TCF7L2: variants seen among roughly 807,000 people sequenced by gnomAD.
TCF7L2 encodes transcription factor 7-like 2.
Under a neutral mutation model 77.9 loss-of-function variants are expected in TCF7L2, and 23 were observed. The ratio of observed to expected loss-of-function variants is 0.30; its 90% CI spans 0.21 to 0.42. The LOEUF is 0.42. Among genes scored for constraint, TCF7L2 ranks in the 10% least tolerant of loss-of-function variants. The probability of loss-of-function intolerance (pLI) is 1.00; values close to 1 mark genes in which losing one functional copy is unlikely to be tolerated. For synonymous variants in TCF7L2, 413 were observed against 340.2 expected (o/e 1.21, Z -2.36); for missense variants, 654 against 793.1 (o/e 0.82, Z 2.11).
intron 5 of TCF7L2, among the ~76,000 whole-genome samples, chr10:113,056,089 G>A (rs139098459): frequency 7.9e-5 from 12 of 152,276 alleles, no homozygotes; most frequent in East Asian, 7.7e-4. Context: ...ACATACAGCC[G>A]AGATCCTGGG....
At chr10:113,092,923 C>T (rs907034659) in intron 5 of TCF7L2, among the ~76,000 whole-genome samples, 1 of 152,100 alleles carries the variant, frequency 6.6e-6, no homozygotes, top group Non-Finnish European at 1.5e-5. Flanking sequence ...ATCCGGATCC[C>T]ACAGCATGGG....
chr10:113,025,880 A>ATTT, intron 4 of TCF7L2, among the ~76,000 whole-genome samples: 1 of 143,544 alleles, frequency 7.0e-6, no homozygotes, highest in East Asian at 2.1e-4. Flanking sequence ...TTTTAAGTTA[A>ATTT]TTTTTTTTTT....
At position 112,950,435 on chromosome 10, in the gene TCF7L2, T is replaced by C; in HGVS notation, c.-322T>C. 2 of 238,884 alleles carry C rather than the reference T, an allele frequency of 8.4e-6. No individual in the cohort carries two copies. The highest frequency in any genetic ancestry group is 6.3e-5 in the South Asian group (1 of 15,904). 14.8% of individuals were successfully genotyped at this position (238,884 alleles called of 1,614,324 possible). Reference sequence around the variant, plus strand: ...CCCTTTGCTCTTTATATCTGACTTCTTGTTGTTGTTGGTGTTTTTTTTTTT... The same window carrying C: ...CCCTTTGCTCTTTATATCTGACTTCCTGTTGTTGTTGGTGTTTTTTTTTTT... On this transcript the variant is annotated 5_prime_UTR_variant, in exon 1 of 14. Coordinates refer to ENST00000627217, the MANE Select transcript of TCF7L2 (RefSeq NM_001146274.2).
intron 4 of TCF7L2, among the ~76,000 whole-genome samples, chr10:112,994,969 G>A (rs377135731): frequency 6.6e-6 from 1 of 152,060 alleles, no homozygotes; most frequent in African/African-American, 2.4e-5. Context: ...GCCTGGTGGT[G>A]GGCGCCTGTA....
intron 4 of TCF7L2, among the ~76,000 whole-genome samples, chr10:112,989,163 G>A (rs143576483): frequency 6.6e-6 from 1 of 152,190 alleles, no homozygotes; most frequent in African/African-American, 2.4e-5. Flanking sequence ...TCAGATGTAG[G>A]TTCCTGTGTC....
rs933187239 is a variant in TCF7L2, at chr10:113,031,549, A to G, written c.451-8476A>G. Among the ~76,000 whole-genome samples, 7 of 147,012 alleles carry G rather than the reference A, an allele frequency of 4.8e-5. No homozygotes were observed. In the Admixed American group the frequency reaches 4.9e-4, roughly 10 times the overall value. ...GTTGCCCAAGCTGGAGTGCAGTTGCACAATCTTGGCTCACTATAACCTCTG... is the reference window on the plus strand; with the variant it reads ...GTTGCCCAAGCTGGAGTGCAGTTGCGCAATCTTGGCTCACTATAACCTCTG... On this transcript the variant is annotated intron_variant, in intron 4 of 13. Transcript: ENST00000627217.
intron 5 of TCF7L2, among the ~76,000 whole-genome samples, chr10:113,076,135 C>CA (rs34089010): frequency 0.35 from 22,746 of 65,698 alleles, 3,961 homozygotes; most frequent in Non-Finnish European, 0.41. Flanking sequence ...GACTCCATCT[C>CA]AAAAAAAAAA....
At chr10:113,013,895 T>G (rs950977836) in intron 4 of TCF7L2, among the ~76,000 whole-genome samples, 12 of 151,314 alleles carry the variant, frequency 7.9e-5, no homozygotes, top group African/African-American at 1.7e-4. Context: ...TAAGCCACTG[T>G]TTTTTTTTGT....
At chr10:112,960,206 T>A (rs1379752050) in intron 3 of TCF7L2, among the ~76,000 whole-genome samples, 1 of 152,200 alleles carries the variant, frequency 6.6e-6, no homozygotes, top group Non-Finnish European at 1.5e-5. Context: ...TGTTTCCCAT[T>A]CCATGTCTGG....
intron 4 of TCF7L2, among the ~76,000 whole-genome samples, chr10:113,028,318 G>T (rs1481473477): frequency 2.6e-5 from 4 of 152,108 alleles, no homozygotes; most frequent in Admixed American, 6.5e-5. Context: ...TTGCATGCAG[G>T]GGGGTCGTGG....
chr10:113,146,794 T>C (rs1564961510), intron 8 of TCF7L2, among the ~76,000 whole-genome samples: 1 of 152,192 alleles, frequency 6.6e-6, no homozygotes, highest in Admixed American at 6.5e-5. Context: ...GTGTATCTTA[T>C]ACGCACAGCA....
chr10:113,041,520 T>C (rs1284777328), intron 5 of TCF7L2, among the ~76,000 whole-genome samples: 1 of 152,182 alleles, frequency 6.6e-6, no homozygotes, highest in African/African-American at 2.4e-5. Flanking sequence ...CTGCTCCCTT[T>C]CCAGAGCCTT....
intron 5 of TCF7L2, among the ~76,000 whole-genome samples, chr10:113,058,722 G>C (rs118069047): frequency 6.6e-6 from 1 of 151,976 alleles, no homozygotes; most frequent in Non-Finnish European, 1.5e-5. Flanking sequence ...GTGTGTGTGC[G>C]CTGTACGTTA....
At chr10:112,959,306 C>G (rs2034471994) in intron 3 of TCF7L2, among the ~76,000 whole-genome samples, 1 of 152,094 alleles carries the variant, frequency 6.6e-6, no homozygotes, top group Non-Finnish European at 1.5e-5. Context: ...TGGTCTCAGG[C>G]AATGTTGCAA....
intron 5 of TCF7L2, among the ~76,000 whole-genome samples, chr10:113,109,600 A>G (rs994703749): frequency 6.6e-6 from 1 of 152,154 alleles, no homozygotes; most frequent in Non-Finnish European, 1.5e-5. Flanking sequence ...CACGTTGGCT[A>G]GGCTGGTCTC....
chr10:113,118,567 A>G lies in TCF7L2; in HGVS notation c.553-22617A>G, dbSNP rs143657028. ...TGTGTGTGTGTGTTTGTTCACCTAC[A>G]CATTTGCCTGGAGTATAGTGAGAAC... On this transcript the variant is annotated intron_variant, in intron 5 of 13. Transcript: ENST00000627217. 3.8e-3 allele frequency among the ~76,000 whole-genome samples: 467 copies of G among 121,708 alleles called. 3 individuals carry two copies. Among genetic ancestry groups the G allele is most frequent in the African/African-American group, 0.012 (444 of 36,234 alleles). 79.8% of individuals were successfully genotyped at this position (121,708 alleles called of 152,430 possible).
intron 5 of TCF7L2, among the ~76,000 whole-genome samples, chr10:113,127,344 T>A (rs2065819841): frequency 6.6e-6 from 1 of 151,820 alleles, no homozygotes; most frequent in African/African-American, 2.4e-5. Context: ...GAATCAGCAT[T>A]TTGCTACTTT....
Position 113,063,121 on chromosome 10 carries a change from G to A in TCF7L2, c.552+22995G>A, listed in dbSNP as rs1379640644. Among the ~76,000 whole-genome samples the A allele has an allele frequency of 3.9e-5, 6 of 152,072 alleles. No homozygotes were observed. The East Asian group carries it at 7.7e-4, about 20-fold the overall frequency. On this transcript the variant is annotated intron_variant, in intron 5 of 13. Transcript: ENST00000627217. ...AGTGTTTTTGTTGTGAAGTTATACC[G>A]TGCCTGTAATCTCTCTGCGGGTGGC...
At chr10:113,095,779 C>T (rs1285213632) in intron 5 of TCF7L2, among the ~76,000 whole-genome samples, 1 of 152,208 alleles carries the variant, frequency 6.6e-6, no homozygotes, top group Non-Finnish European at 1.5e-5. Context: ...CCAAGGAGCT[C>T]ATCCATGCAG....
Sources: allele counts gnomAD v4.1 joint callset (sites outside exome capture counted in the v4.1 genomes callset), GRCh38; gene constraint gnomAD v4.1.1; transcripts MANE v1.5; gene names NCBI Gene and HGNC (gene_info 2026-07-23, HGNC 2026-07-21).